The following WDR7 variants were observed in gnomAD, a reference collection of about 807,000 sequenced individuals.
WDR7 encodes the protein WD repeat-containing protein 7.
WDR7 carries 46 observed loss-of-function variants against 169.4 expected under a neutral mutation model. The ratio of observed to expected loss-of-function variants is 0.27; its 90% confidence interval spans 0.21 to 0.35. The LOEUF (loss-of-function observed/expected upper bound fraction) is 0.35. Among genes scored for constraint, WDR7 ranks in the 10% least tolerant of loss-of-function variants. The pLI, the probability that WDR7 is intolerant of heterozygous loss-of-function variation, is 1.00. For synonymous variants in WDR7, 612 were observed against 666.8 expected, an observed-to-expected ratio of 0.92 and a Z score of 1.27; for missense variants, 1,534 against 1,859.3, an observed-to-expected ratio of 0.83 and a Z score of 3.22.
intron 21 of WDR7, among the ~76,000 whole-genome samples, chr18:56,917,658 A>G (rs1013100726): frequency 8.5e-5 from 13 of 152,206 alleles, no homozygotes; most frequent in Non-Finnish European, 1.8e-4. Context: ...TGGTCGGTTC[A>G]TGATTGAACA....
intron 1 of WDR7, among the ~76,000 whole-genome samples, chr18:56,671,244 C>T (rs2025126781): frequency 6.6e-6 from 1 of 150,622 alleles, no homozygotes. Flanking sequence ...TCAGGCATAA[C>T]GGGTTTGGAG....
At chr18:56,692,434 T>G (rs1174845500) in intron 9 of WDR7, among the ~76,000 whole-genome samples, 2 of 39,142 alleles carry the variant, frequency 5.1e-5, no homozygotes, top group Non-Finnish European at 2.5e-4. Context: ...AAGCAGAGTT[T>G]TTTTTGTTTT....
chr18:56,863,127 A>C (rs2045831940), intron 20 of WDR7, among the ~76,000 whole-genome samples: 2 of 151,834 alleles, frequency 1.3e-5, no homozygotes, highest in African/African-American at 4.8e-5. Flanking sequence ...ATTATTTGAA[A>C]ACAACATTTT....
chr18:56,712,508 T>G (rs536392148), intron 12 of WDR7, among the ~76,000 whole-genome samples: 1 of 152,356 alleles, frequency 6.6e-6, no homozygotes, highest in South Asian at 2.1e-4. Flanking sequence ...CCCCTCTCCT[T>G]GCTTTTTCAT....
At chr18:56,820,127 C>T (rs2045062540) in intron 20 of WDR7, among the ~76,000 whole-genome samples, 1 of 151,624 alleles carries the variant, frequency 6.6e-6, no homozygotes, top group African/African-American at 2.4e-5. Flanking sequence ...GTGATACACC[C>T]TCTAAATACT....
Position 57,028,572 on chromosome 18 carries a change from C to T in WDR7, c.*1365C>T, listed in dbSNP as rs1316781469. The T allele has an allele frequency of 6.6e-6, 1 of 152,030 alleles. No homozygotes were observed. The allele number at this position is 152,030 out of a possible 1,614,324, so 9.4% of individuals were successfully genotyped here. A position where few individuals can be genotyped will look rare whatever the true frequency, so the allele number is the denominator to read the frequency against. On this transcript the variant is annotated 3_prime_UTR_variant, in exon 28 of 28. Coordinates refer to ENST00000254442, the MANE Select transcript of WDR7 (RefSeq NM_015285.3). ...AAAATAGAAAATTATTTGTTAAATT[C>T]AGAGAAAATATGTGAAGTTTACAAA...
Position 56,757,019 on chromosome 18 carries a change from C to T in WDR7, c.2426C>T (p.Ala809Val). ...AAGCTGTTTATGTCCTGCCTTCACG[C>T]CTGGGGTTTGAATGAAGTACTGGAT... The part of the protein sequence containing the change: ...TAKLFMSCLH[A>V]WGLNEVLDEV... The change falls in exon 15 of 28, where the codon GCC becomes GTC. Residue 809 changes from alanine to valine, a missense_variant. Coordinates refer to ENST00000254442, the MANE Select transcript of WDR7 (RefSeq NM_015285.3). 3 of 1,614,054 alleles carry T rather than the reference C, an allele frequency of 1.9e-6. No individual in the cohort carries two copies. The highest frequency in any genetic ancestry group is 2.5e-6 in the Non-Finnish European group (3 of 1,180,006).
intron 20 of WDR7, among the ~76,000 whole-genome samples, chr18:56,832,188 G>C (rs1045073395): frequency 1.3e-5 from 2 of 152,198 alleles, no homozygotes; most frequent in African/African-American, 4.8e-5. Context: ...GGCTTCAGTA[G>C]GCGGTTTTCC....
At chr18:56,673,825 C>CA (rs1312345288) in intron 2 of WDR7, among the ~76,000 whole-genome samples, 5,168 of 140,920 alleles carry the variant, frequency 0.037, 272 homozygotes, top group African/African-American at 0.12. Flanking sequence ...ACCTTGTCTC[C>CA]AAAAAAAAAA....
At chr18:56,696,563 A>G (rs1218803377) in intron 12 of WDR7, 101 bp downstream of exon 12, 12 of 1,027,476 alleles carry the variant, frequency 1.2e-5, no homozygotes, top group South Asian at 1.8e-5. Context: ...AGGAAGTGTG[A>G]CAAGATAATT....
chr18:56,925,126 C>T (rs2145648014), intron 22 of WDR7, among the ~76,000 whole-genome samples: 1 of 152,316 alleles, frequency 6.6e-6, no homozygotes, highest in East Asian at 1.9e-4. Flanking sequence ...CTCTTTATGG[C>T]TGAATAACAT....
chr18:56,991,335 A>G (rs62098628), intron 26 of WDR7, among the ~76,000 whole-genome samples: 33,095 of 151,736 alleles, frequency 0.22, 4,208 homozygotes, highest in Non-Finnish European at 0.28. Flanking sequence ...TTTGGTAGAG[A>G]CGGGTTTCAC....
intron 27 of WDR7, among the ~76,000 whole-genome samples, chr18:57,024,387 C>A (rs977238075): frequency 1.3e-5 from 2 of 152,090 alleles, no homozygotes; most frequent in African/African-American, 2.4e-5. Context: ...AAAATTAATA[C>A]CGTTACTATA....
intron 7 of WDR7, among the ~76,000 whole-genome samples, chr18:56,688,185 CATT>C (rs1325332185): frequency 6.6e-6 from 1 of 152,104 alleles, no homozygotes; most frequent in African/African-American, 2.4e-5. Context: ...CAGCTGCTCT[CATT>C]ACTACTATGC....
intron 14 of WDR7, among the ~76,000 whole-genome samples, chr18:56,735,704 C>T (rs912378657): frequency 6.6e-6 from 1 of 152,128 alleles, no homozygotes. Context: ...CTATAAAGGG[C>T]TAGATAGTAA....
chr18:56,781,390 A>T, intron 18 of WDR7, 143 bp from the exon 19 acceptor site: 1 of 857,624 alleles, frequency 1.2e-6, no homozygotes, highest in Non-Finnish European at 1.6e-6. Flanking sequence ...TAGTTAACTC[A>T]TTCGGTTAAT....
chr18:56,944,166 C>A (rs1298743643), intron 25 of WDR7, among the ~76,000 whole-genome samples: 1 of 151,182 alleles, frequency 6.6e-6, no homozygotes, highest in East Asian at 2.0e-4. Flanking sequence ...TTTTTGTATT[C>A]TTTTTTCAGT....
At chr18:56,888,898 T>C (rs2046230861) in intron 21 of WDR7, among the ~76,000 whole-genome samples, 1 of 152,014 alleles carries the variant, frequency 6.6e-6, no homozygotes, top group Non-Finnish European at 1.5e-5. Context: ...GAGGGGGAAG[T>C]TGAATTGTGT....
chr18:56,813,320 TG>T (rs2044908004), intron 19 of WDR7, among the ~76,000 whole-genome samples: 1 of 152,088 alleles, frequency 6.6e-6, no homozygotes, highest in South Asian at 2.1e-4. Context: ...TAAGTAAGAG[TG>T]GTGAGTGTGA....
Sources: gnomAD v4.1 joint callset for allele counts (sites outside exome capture counted in the v4.1 genomes callset) on GRCh38, gnomAD v4.1.1 for gene constraint, MANE v1.5 for transcripts, NCBI Gene and HGNC (gene_info 2026-07-23, HGNC 2026-07-21) for gene names.